Variants in NAB2 observed in about 807,000 individuals in gnomAD.
The protein encoded by NAB2 is NGFI-A binding protein 2, also known as NGFI-A-binding protein 2.
In NAB2, 9 loss-of-function variants were observed where a neutral mutation model predicts 44.2. The observed-to-expected ratio is 0.20, with a 90% CI of 0.12 to 0.36. NAB2 has a LOEUF of 0.36. Ranked by LOEUF, NAB2 falls within the 10% of genes least tolerant of loss-of-function variation. The probability of loss-of-function intolerance (pLI) is 1.00; values close to 1 mark genes in which losing one functional copy is unlikely to be tolerated. For missense variants in NAB2, 514 were observed against 709.0 expected, an observed-to-expected ratio of 0.73 and a Z score of 3.12; for synonymous variants, 342 against 291.0, an observed-to-expected ratio of 1.18 and a Z score of -1.78.
rs144871450 is a variant in NAB2, at chr12:57,091,299, T to A, written c.258T>A (p.Leu86=). The change falls in exon 2 of 7, where the codon CTT becomes CTA. Residue 86 remains leucine (L), a synonymous_variant. Coordinates refer to ENST00000300131, the MANE Select transcript of NAB2 (RefSeq NM_005967.4). This position sits in a 1 kb window ranked among gnomAD's most constrained non-coding sequence, Gnocchi z 7.3. ...AGGAGTTTCTGGAGATCATGGCACT[T>A]GTGGGCATGGCCACCAAGCCCCTCC... ...GEEEFLEIMA[L]VGMATKPLHV... is the part of the protein sequence containing the mutation. 1.2e-6 allele frequency: 2 copies of A among 1,610,928 alleles called. No homozygotes were observed. The highest frequency in any genetic ancestry group is 1.7e-6 in the Non-Finnish European group (2 of 1,177,330).
intron 1 of NAB2, among the ~76,000 whole-genome samples, chr12:57,090,492 T>C (rs2033163352): frequency 6.6e-6 from 1 of 151,828 alleles, no homozygotes; most frequent in African/African-American, 2.4e-5. Flanking sequence ...AATAAATAAA[T>C]AAATAAATAA....
chr12:57,091,581 G>T lies in NAB2; in HGVS notation c.540G>T (p.Gly180=). The T allele has an allele frequency of 6.2e-7, 1 of 1,605,992 alleles. No homozygotes were observed. Among genetic ancestry groups the T allele is most frequent in the Non-Finnish European group, 8.5e-7 (1 of 1,174,430 alleles). Reference sequence around the variant, plus strand: ...CACTGCCTGGGGGACCTGGGGCAGGGGACCCCCGGATCTGGCCAGGCCGGA... The same window carrying T: ...CACTGCCTGGGGGACCTGGGGCAGGTGACCCCCGGATCTGGCCAGGCCGGA... The part of the protein sequence containing the change: ...LSPLPGGPGA[G]DPRIWPGRST... Residue 180 remains glycine (G), a synonymous_variant, in exon 2 of 7, where the codon GGG becomes GGT. Transcript: ENST00000300131. The surrounding 1 kb of genome is among the most constrained non-coding windows in gnomAD (Gnocchi z 7.3).
chr12:57,092,709 G>T, intron 3 of NAB2, 128 bp downstream of exon 3: 1 of 1,383,602 alleles, frequency 7.2e-7, no homozygotes, highest in Non-Finnish European at 9.9e-7. Context: ...TTTTGGCCAA[G>T]TCAGCTTGTC....
In NAB2 at chr12:57,094,735, G is replaced by A; in HGVS notation, c.*14G>A. On this transcript the variant is annotated 3_prime_UTR_variant, in exon 7 of 7. Coordinates refer to ENST00000300131, the MANE Select transcript of NAB2 (RefSeq NM_005967.4). ...AGCCGGCAGTGAGGGTTGGACTGGT[G>A]TCTTCAGACCCAGGACCTCAGACTT... 6.5e-7 allele frequency: 1 copy of A among 1,545,968 alleles called. No individual in the cohort carries two copies. The highest frequency in any genetic ancestry group is 8.7e-7 in the Non-Finnish European group (1 of 1,144,508).
intron 2 of NAB2, 88 bp downstream of exon 2, chr12:57,092,086 C>A: frequency 6.7e-7 from 1 of 1,500,268 alleles, no homozygotes; most frequent in Non-Finnish European, 8.9e-7. Context: ...CTCCGACTAT[C>A]TTTCATTATC....
chr12:57,094,954 G>T lies in NAB2; in HGVS notation c.*233G>T. 1.8e-6 allele frequency: 1 copy of T among 546,920 alleles called. No individual in the cohort carries two copies. The highest frequency in any genetic ancestry group is 2.3e-5 in the South Asian group (1 of 44,064). 33.9% of individuals were successfully genotyped at this position (546,920 alleles called of 1,614,324 possible). On this transcript the variant is annotated 3_prime_UTR_variant, in exon 7 of 7. Coordinates refer to ENST00000300131, the MANE Select transcript of NAB2 (RefSeq NM_005967.4). Reference sequence around the variant, plus strand: ...TGCCCTCACCCCTGCCCAGAGCGAGGGGGCAAGGACTCTGCCTCCAGGGCA... The same window carrying T: ...TGCCCTCACCCCTGCCCAGAGCGAGTGGGCAAGGACTCTGCCTCCAGGGCA...
In NAB2 at chr12:57,089,454, C is replaced by G. The variant is rs2233269; in HGVS notation, c.83+100C>G. On this transcript the variant is annotated intron_variant, in intron 1 of 6. Coordinates refer to ENST00000300131, the MANE Select transcript of NAB2 (RefSeq NM_005967.4). ...AGGTCGAGGGGAGGACGTGGGGAAG[C>G]AGGACGGGGGTGGGGGGTGGAGACT... 2,195 of 653,822 alleles carry G rather than the reference C, an allele frequency of 3.4e-3. 54 individuals carry two copies. The African/African-American group carries it at 0.05, about 15-fold the overall frequency. The allele number at this position is 653,822 out of a possible 1,614,324, so 40.5% of individuals were successfully genotyped here.
intron 1 of NAB2, 96 bp downstream of exon 1, chr12:57,089,450 G>A: frequency 1.9e-6 from 1 of 514,102 alleles, no homozygotes; most frequent in Non-Finnish European, 3.2e-6. Context: ...AGGACGTGGG[G>A]AAGCAGGACG....
intron 2 of NAB2, 182 bp from the exon 3 acceptor site, chr12:57,092,266 T>C: frequency 9.4e-7 from 1 of 1,067,244 alleles, no homozygotes; most frequent in Non-Finnish European, 1.3e-6. Context: ...CGGGCATTCC[T>C]AGGAAGCTGT....
intron 2 of NAB2, 88 bp downstream of exon 2, chr12:57,092,086 C>G: frequency 2.0e-6 from 3 of 1,500,268 alleles, no homozygotes; most frequent in Non-Finnish European, 2.7e-6. Context: ...CTCCGACTAT[C>G]TTTCATTATC....
At chr12:57,092,073 A>G (rs1042450035) in intron 2 of NAB2, 75 bp downstream of exon 2, 16 of 1,523,638 alleles carry the variant, frequency 1.1e-5, no homozygotes, top group Admixed American at 6.3e-5. Flanking sequence ...GAGTTTCTAC[A>G]GTCTCCGACT....
chr12:57,094,781 C>T lies in NAB2; in HGVS notation c.*60C>T, dbSNP rs748417298. The stretch of plus-strand genomic sequence containing the variant: ...GACTTCTGGCTCACACAGACCCCCA[C>T]GCTCTCCATCCCCGGAATCTAGTCA... On this transcript the variant is annotated 3_prime_UTR_variant, in exon 7 of 7. Transcript: ENST00000300131. 43 of 1,357,944 alleles carry T rather than the reference C, an allele frequency of 3.2e-5. No individual in the cohort carries two copies. Among genetic ancestry groups the T allele is most frequent in the South Asian group, 1.3e-4 (10 of 77,180 alleles). 84.1% of individuals were successfully genotyped at this position (1,357,944 alleles called of 1,614,324 possible).
chr12:57,093,868 AAGG>A (rs2033260624), intron 6 of NAB2, among the ~76,000 whole-genome samples: 1 of 152,106 alleles, frequency 6.6e-6, no homozygotes, highest in African/African-American at 2.4e-5. Flanking sequence ...AAGGAGCAGG[AAGG>A]AGGAGCATCA....
rs2033214181 is a variant in NAB2, at chr12:57,092,591, C to T, written c.1091+10C>T. On this transcript the variant is annotated intron_variant, in intron 3 of 6. Transcript: ENST00000300131. ...CCTTGAAGGGCTCCAGGTGAGACCCCTTCCCCAGGTCCTTCCTGGACTGGA... is the reference window on the plus strand; with the variant it reads ...CCTTGAAGGGCTCCAGGTGAGACCCTTTCCCCAGGTCCTTCCTGGACTGGA... The T allele has an allele frequency of 2.5e-6, 4 of 1,613,696 alleles. No homozygotes were observed. The African/African-American group carries it at 4.0e-5, about 16-fold the overall frequency.
chr12:57,092,123 C>A, intron 2 of NAB2, 125 bp downstream of exon 2: 4 of 1,433,878 alleles, frequency 2.8e-6, no homozygotes, highest in Non-Finnish European at 2.7e-6. Flanking sequence ...AGGCCCTGAT[C>A]CCCTCCCCAA....
chr12:57,094,378 G>A (rs1285179930), intron 6 of NAB2, among the ~76,000 whole-genome samples: 16 of 152,004 alleles, frequency 1.1e-4, no homozygotes, highest in Non-Finnish European at 8.8e-5. Flanking sequence ...GGAGGCGGGA[G>A]AGAAAGAGAG....
intron 6 of NAB2, among the ~76,000 whole-genome samples, chr12:57,094,173 G>A (rs1221076739): frequency 6.6e-6 from 1 of 151,476 alleles, no homozygotes; most frequent in Non-Finnish European, 1.5e-5. Context: ...GAGGAGCTCG[G>A]AGGCTGGCTT....
At position 57,089,329 on chromosome 12, in the gene NAB2, C is replaced by T. The variant is rs764328499; in HGVS notation, c.58C>T (p.Arg20Cys). 1.3e-6 allele frequency: 2 copies of T among 1,576,386 alleles called. No individual in the cohort carries two copies. The highest frequency in any genetic ancestry group is 1.7e-6 in the Non-Finnish European group (2 of 1,161,356). Residue 20 changes from arginine (R) to cysteine (C), a missense_variant, in exon 1 of 7, where the codon CGC (arginine) becomes TGC (cysteine). By Grantham distance (180) the Arg-to-Cys change is radical (BLOSUM62 -3). Coordinates refer to ENST00000300131, the MANE Select transcript of NAB2 (RefSeq NM_005967.4). The stretch of plus-strand genomic sequence containing the variant: ...GCCGCCGGGCGGAGGGGACAGCGCC[C>T]GCCGGACCCTGCAGCCCAGACTCAA... Reference protein sequence around the residue: ...EQPPGGGDSARRTLQPRLKPS... With the variant: ...EQPPGGGDSACRTLQPRLKPS...
chr12:57,092,879 G>A (rs763582798), intron 3 of NAB2, 38 bp from the exon 4 acceptor site: 20 of 1,612,546 alleles, frequency 1.2e-5, no homozygotes, highest in Middle Eastern at 1.7e-4. Flanking sequence ...AGTGGCCCTC[G>A]TCAGCCTCAT....
Sources: gnomAD v4.1 joint callset for allele counts (sites outside exome capture counted in the v4.1 genomes callset) on GRCh38, gnomAD v4.1.1 for gene constraint, Gnocchi (gnomAD v3.1) non-coding constraint, MANE v1.5 for transcripts, NCBI Gene and HGNC (gene_info 2026-07-23, HGNC 2026-07-21) for gene names.